Variants in GLI3 observed in about 807,000 individuals in gnomAD.
GLI3 encodes GLI family zinc finger 3, also known as transcription activator GLI3.
A neutral mutation model predicts 100.8 loss-of-function variants in GLI3; 20 were observed. The ratio of observed to expected loss-of-function variants is 0.20; its 90% CI spans 0.14 to 0.29. The LOEUF is 0.29. Among genes scored for constraint, GLI3 ranks in the 10% least tolerant of loss-of-function variants. The pLI, the probability that GLI3 is intolerant of heterozygous loss-of-function variation, is 1.00. For missense variants in GLI3, 2,040 were observed against 2,128.5 expected (o/e 0.96, Z 0.82); for synonymous variants, 938 against 860.5 (o/e 1.09, Z -1.58).
intron 2 of GLI3, among the ~76,000 whole-genome samples, chr7:42,207,424 AAGGTT>A (rs1231190871): frequency 6.6e-6 from 1 of 152,234 alleles, no homozygotes; most frequent in Non-Finnish European, 1.5e-5. Context: ...AAAGCGAGGT[AAGGTT>A]TTCACCTATC....
chr7:42,158,191 A>C (rs1470787959), intron 2 of GLI3, among the ~76,000 whole-genome samples: 1 of 152,216 alleles, frequency 6.6e-6, no homozygotes, highest in Admixed American at 6.5e-5. Flanking sequence ...TCTGCGCCTC[A>C]CATTTATTGA....
At chr7:42,098,955 C>G (rs1215377877) in intron 3 of GLI3, among the ~76,000 whole-genome samples, 2 of 152,144 alleles carry the variant, frequency 1.3e-5, no homozygotes, top group Non-Finnish European at 2.9e-5. Context: ...GTGATCCTAA[C>G]AGTGGGGCAT....
chr7:42,197,290 C>A (rs536451306), intron 2 of GLI3, among the ~76,000 whole-genome samples: 4 of 152,332 alleles, frequency 2.6e-5, no homozygotes, highest in African/African-American at 7.2e-5. Context: ...AAAATCACTC[C>A]ATTTTTAGGC....
intron 6 of GLI3, 98 bp downstream of exon 6, chr7:42,045,286 A>G: frequency 1.7e-6 from 2 of 1,202,458 alleles, no homozygotes; most frequent in Non-Finnish European, 2.5e-6. Flanking sequence ...TCCAGATCAA[A>G]AAGTTACACA....
chr7:42,026,135 G>A (rs889977492), intron 8 of GLI3, 64 bp downstream of exon 8: 29 of 1,047,112 alleles, frequency 2.8e-5, no homozygotes, highest in African/African-American at 1.4e-4. Flanking sequence ...AACAGCTGAC[G>A]TGGTGGCCTG....
At chr7:41,999,198 C>A (rs1276907404) in intron 10 of GLI3, among the ~76,000 whole-genome samples, 2 of 152,098 alleles carry the variant, frequency 1.3e-5, no homozygotes, top group African/African-American at 4.8e-5. Context: ...AAAAATGAGA[C>A]CATCTGGATT....
At chr7:42,166,110 C>T (rs542757370) in intron 2 of GLI3, among the ~76,000 whole-genome samples, 1 of 152,300 alleles carries the variant, frequency 6.6e-6, no homozygotes, top group East Asian at 1.9e-4. Flanking sequence ...TGAATAGAGG[C>T]TCTGAGCATG....
chr7:42,105,475 A>G (rs969443662), intron 3 of GLI3, among the ~76,000 whole-genome samples: 1 of 152,214 alleles, frequency 6.6e-6, no homozygotes, highest in African/African-American at 2.4e-5. Context: ...GCATAGAGAG[A>G]AAAGCGAGAA....
At chr7:42,108,408 C>T (rs998627674) in intron 3 of GLI3, among the ~76,000 whole-genome samples, 2 of 152,124 alleles carry the variant, frequency 1.3e-5, no homozygotes, top group African/African-American at 2.4e-5. Context: ...GAAAACTATG[C>T]CTCTTCTGGG....
At chr7:42,156,837 C>A (rs1453398993) in intron 2 of GLI3, among the ~76,000 whole-genome samples, 2 of 152,220 alleles carry the variant, frequency 1.3e-5, no homozygotes, top group Non-Finnish European at 2.9e-5. Flanking sequence ...CCATCACCAG[C>A]AAAGTTCTAT....
rs1787192902 is a variant in GLI3, at chr7:41,966,639, T to A, written c.2434A>T (p.Thr812Ser). ...PAVSPLIGNG[T>S]QSNNTCSLGG... ...AAGCTGCAGGTGTTGTTGGACTGTG[T>A]GCCTGGAGACAGAGAAAGGGAGAGA... is the stretch of plus-strand genomic sequence containing the variant. Residue 812 changes from threonine to serine, a missense_variant and splice_region_variant, in exon 15 of 15, where the codon ACA becomes TCA. Thr to Ser is a moderately conservative substitution (Grantham distance 58, BLOSUM62 1). Around this residue, in one of 5 missense-constraint regions of GLI3, gnomAD observed 327 missense variants for 338.7 expected, o/e 0.97. Coordinates refer to ENST00000395925, the MANE Select transcript of GLI3 (RefSeq NM_000168.6). The surrounding 1 kb of genome is among the most constrained non-coding windows in gnomAD (Gnocchi z 5.8). The A allele has an allele frequency of 3.3e-5, 53 of 1,614,064 alleles. No homozygotes were observed. The highest frequency in any genetic ancestry group is 4.5e-5 in the Non-Finnish European group (53 of 1,180,006).
At chr7:41,993,871 C>G (rs1054148421) in intron 10 of GLI3, among the ~76,000 whole-genome samples, 1 of 152,114 alleles carries the variant, frequency 6.6e-6, no homozygotes, top group Admixed American at 6.5e-5. Context: ...ATCACAGATG[C>G]CTGTAGGGTC....
chr7:42,196,521 G>A (rs968940075), intron 2 of GLI3, among the ~76,000 whole-genome samples: 1 of 152,156 alleles, frequency 6.6e-6, no homozygotes, highest in African/African-American at 2.4e-5. Flanking sequence ...TTACACAAAA[G>A]CATCCTTCAG....
chr7:42,182,667 T>TATATATACATGTGTGTGTGTATAA (rs1787630952), intron 2 of GLI3, among the ~76,000 whole-genome samples: 1 of 71,998 alleles, frequency 1.4e-5, no homozygotes, highest in Non-Finnish European at 3.0e-5. Context: ...TATATATATA[T>TATATATACATGTGTGTGTGTATAA]ATATATATAT....
At chr7:42,023,173 A>C (rs1333506494) in intron 10 of GLI3, among the ~76,000 whole-genome samples, 4 of 152,216 alleles carry the variant, frequency 2.6e-5, no homozygotes, top group African/African-American at 9.6e-5. Flanking sequence ...CCAGCTTACT[A>C]TTACTCAATA....
At chr7:42,229,852 G>A (rs1390480899) in intron 1 of GLI3, among the ~76,000 whole-genome samples, 1 of 152,138 alleles carries the variant, frequency 6.6e-6, no homozygotes, top group Non-Finnish European at 1.5e-5. Context: ...GAAATAGTCT[G>A]AGTTTCAATG....
At chr7:42,248,931 G>A (rs1789002738) in intron 1 of GLI3, among the ~76,000 whole-genome samples, 1 of 151,834 alleles carries the variant, frequency 6.6e-6, no homozygotes, top group Non-Finnish European at 1.5e-5. Context: ...TAGTAGAGAT[G>A]GATTTTCACC....
chr7:42,009,552 T>G (rs1333027239), intron 10 of GLI3, among the ~76,000 whole-genome samples: 1 of 150,244 alleles, frequency 6.7e-6, no homozygotes, highest in African/African-American at 2.4e-5. Context: ...TTGTAAGGAA[T>G]TGCAGTCCTG....
intron 1 of GLI3, among the ~76,000 whole-genome samples, chr7:42,231,132 G>C (rs565405341): frequency 2.3e-4 from 35 of 152,248 alleles, no homozygotes; most frequent in African/African-American, 6.0e-4. Context: ...AAGGCTTAAG[G>C]GAGTATAAGG....
Sources: gnomAD v4.1 joint callset for allele counts (sites outside exome capture counted in the v4.1 genomes callset) on GRCh38, gnomAD v4.1.1 for gene constraint, gnomAD v4.1.1 regional missense constraint, Gnocchi (gnomAD v3.1) non-coding constraint, MANE v1.5 for transcripts, NCBI Gene and HGNC (gene_info 2026-07-23, HGNC 2026-07-21) for gene names.